Variants in KLHL29 observed in about 807,000 individuals in gnomAD.
The protein encoded by KLHL29 is kelch-like protein 29.
In KLHL29, 21 loss-of-function variants were observed where a neutral mutation model predicts 80.4. The ratio of observed to expected loss-of-function variants is 0.26; its 90% CI spans 0.19 to 0.38. The LOEUF (loss-of-function observed/expected upper bound fraction) is 0.38. Ranked by LOEUF, KLHL29 falls within the 10% of genes least tolerant of loss-of-function variation. KLHL29 has a pLI of 1.00. For missense variants in KLHL29, 867 were observed against 1,223.9 expected (o/e 0.71, Z 4.35); for synonymous variants, 511 against 526.8 (o/e 0.97, Z 0.41).
At chr2:23,597,724 C>T (rs1668464478) in intron 3 of KLHL29, among the ~76,000 whole-genome samples, 2 of 152,026 alleles carry the variant, frequency 1.3e-5, no homozygotes, top group Admixed American at 1.3e-4. Flanking sequence ...CGTGCCCGGC[C>T]CTGTTCACCC....
intron 2 of KLHL29, among the ~76,000 whole-genome samples, chr2:23,521,495 T>C (rs1009053842): frequency 1.3e-5 from 2 of 152,222 alleles, no homozygotes; most frequent in African/African-American, 4.8e-5. Context: ...CCTAGGTCCA[T>C]GTGCTGCATT....
intron 5 of KLHL29, among the ~76,000 whole-genome samples, chr2:23,653,977 G>C (rs918645516): frequency 7.2e-5 from 11 of 152,086 alleles, no homozygotes; most frequent in African/African-American, 2.7e-4. Context: ...GACCAGCCTG[G>C]CCAACATGGC....
intron 1 of KLHL29, among the ~76,000 whole-genome samples, chr2:23,465,379 C>G (rs1006465886): frequency 7.2e-5 from 11 of 152,240 alleles, no homozygotes; most frequent in Admixed American, 6.5e-5. Context: ...TCCTGCCTCT[C>G]TGTGTGTGAG....
At position 23,562,315 on chromosome 2, in the gene KLHL29, G is replaced by A; in HGVS notation, c.119G>A (p.Gly40Asp). 2 of 1,545,316 alleles carry A rather than the reference G, an allele frequency of 1.3e-6. No individual in the cohort carries two copies. Among genetic ancestry groups the A allele is most frequent in the Non-Finnish European group, 1.7e-6 (2 of 1,143,994 alleles). Residue 40 changes from glycine (G) to aspartate (D), a missense_variant, in exon 3 of 14, where the codon GGT (glycine) becomes GAT (aspartate). Physicochemically the swap from Gly to Asp is moderately conservative, Grantham distance 94. Transcript: ENST00000486442. The surrounding 1 kb of genome is among the most constrained non-coding windows in gnomAD (Gnocchi z 4.5). ...ATCTGCAGTGTCACCTCGGGGGCCG[G>A]TGGCGGCACAGCCAGCAGCCTCAGC... ...TSICSVTSGA[G>D]GGTASSLSVR...
rs1052619312 is a variant in KLHL29, at chr2:23,566,176, T to G, written c.285+3695T>G. On this transcript the variant is annotated intron_variant, in intron 3 of 13. Transcript: ENST00000486442. ...TCACGTGTCTTGAGGAAAGGCCAGT[T>G]GGACAAGCAGACTCCTGGGCTGCTG... Among the ~76,000 whole-genome samples the G allele has an allele frequency of 2.6e-5, 4 of 152,348 alleles. No individual in the cohort carries two copies. The East Asian group carries it at 7.7e-4, about 29-fold the overall frequency.
intron 4 of KLHL29, among the ~76,000 whole-genome samples, chr2:23,640,746 C>G (rs1038954169): frequency 5.9e-5 from 9 of 152,342 alleles, no homozygotes; most frequent in Non-Finnish European, 8.8e-5. Flanking sequence ...AGCAATAGTG[C>G]CTGCTGCTGA....
intron 1 of KLHL29, among the ~76,000 whole-genome samples, chr2:23,405,068 C>G (rs1666692180): frequency 6.6e-6 from 1 of 152,108 alleles, no homozygotes; most frequent in Non-Finnish European, 1.5e-5. Context: ...AGAACAAATA[C>G]TGGAGTATGA....
intron 2 of KLHL29, among the ~76,000 whole-genome samples, chr2:23,525,249 A>G (rs1313324082): frequency 2.0e-5 from 3 of 152,214 alleles, no homozygotes; most frequent in Non-Finnish European, 4.4e-5. Flanking sequence ...GGAAGAGAAG[A>G]ACTTTCTCTT....
intron 3 of KLHL29, among the ~76,000 whole-genome samples, chr2:23,613,323 A>T (rs1310828985): frequency 1.3e-5 from 2 of 152,244 alleles, no homozygotes; most frequent in Non-Finnish European, 2.9e-5. Context: ...AAAACACATT[A>T]AAAGAGAAAA....
chr2:23,680,458 G>A lies in KLHL29; in HGVS notation c.941-3941G>A, dbSNP rs1351866214. 2.0e-5 allele frequency among the ~76,000 whole-genome samples: 3 copies of A among 152,318 alleles called. No homozygotes were observed. The highest frequency in any genetic ancestry group is 2.1e-4 in the South Asian group (1 of 4,828). On this transcript the variant is annotated intron_variant, in intron 5 of 13. Coordinates refer to ENST00000486442, the MANE Select transcript of KLHL29 (RefSeq NM_052920.2). The surrounding 1 kb of genome is among the most constrained non-coding windows in gnomAD (Gnocchi z 4.1). ...GGCCAGGGTGTGCAGTCCCACAGAC[G>A]TAGGCGGGCATCCCGCTCAAAGCCG...
chr2:23,538,297 T>C (rs532585032), intron 2 of KLHL29, among the ~76,000 whole-genome samples: 2 of 152,198 alleles, frequency 1.3e-5, no homozygotes, highest in Non-Finnish European at 2.9e-5. Flanking sequence ...GACCACACTT[T>C]GAGAAACAAA....
Position 23,562,599 on chromosome 2 carries a change from C to G in KLHL29, c.285+118C>G. ...GCCTGTGCTCCACGCCCCGAGTCCT[C>G]CAGAGTCTTGTCCTTCCAGGACCTG... On this transcript the variant is annotated intron_variant, in intron 3 of 13. Transcript: ENST00000486442. The surrounding 1 kb of genome is among the most constrained non-coding windows in gnomAD (Gnocchi z 4.5). 1 of 1,029,196 alleles carries G rather than the reference C, an allele frequency of 9.7e-7. No homozygotes were observed. Among genetic ancestry groups the G allele is most frequent in the Non-Finnish European group, 1.4e-6 (1 of 729,154 alleles). 63.8% of individuals were successfully genotyped at this position (1,029,196 alleles called of 1,614,324 possible).
chr2:23,428,970 C>T (rs888087478), intron 1 of KLHL29, among the ~76,000 whole-genome samples: 1 of 152,218 alleles, frequency 6.6e-6, no homozygotes, highest in East Asian at 1.9e-4. Flanking sequence ...GGGTTCTCAT[C>T]CTGATTCTGC....
rs551514647 is a variant in KLHL29 at position 23,627,584 on chromosome 2, C to T, written c.286-11555C>T. Among the ~76,000 whole-genome samples, 5 of 152,322 alleles carry T rather than the reference C, an allele frequency of 3.3e-5. No homozygotes were observed. In the East Asian group the frequency reaches 5.8e-4, roughly 18 times the overall value. On this transcript the variant is annotated intron_variant, in intron 3 of 13. Transcript: ENST00000486442. ...TAAAACTGTAGTAGCTCCTTCGGTG[C>T]ACCTTGCGTCTGAGGAGCCGCCTCC...
At chr2:23,660,499 C>T (rs1021969962) in intron 5 of KLHL29, among the ~76,000 whole-genome samples, 7 of 152,332 alleles carry the variant, frequency 4.6e-5, no homozygotes, top group South Asian at 2.1e-4. Flanking sequence ...GTTCAAGCCC[C>T]GCCAGAGAGG....
intron 3 of KLHL29, among the ~76,000 whole-genome samples, chr2:23,602,609 G>C (rs973319960): frequency 2.2e-5 from 3 of 136,848 alleles, no homozygotes; most frequent in Non-Finnish European, 4.7e-5. Context: ...GCTGCTCTAC[G>C]TGAATTTTTT....
chr2:23,646,882 C>T (rs956401), intron 5 of KLHL29, among the ~76,000 whole-genome samples: 22,228 of 152,234 alleles, frequency 0.15, 1,992 homozygotes, highest in Non-Finnish European at 0.21. Context: ...CAGTACCACC[C>T]TCACAGGGCC....
At chr2:23,437,141 C>T (rs1241258032) in intron 1 of KLHL29, among the ~76,000 whole-genome samples, 1 of 152,190 alleles carries the variant, frequency 6.6e-6, no homozygotes, top group Non-Finnish European at 1.5e-5. Flanking sequence ...GTGTACTAAG[C>T]AGGCCAAGTC....
chr2:23,633,307 A>G (rs1669517233), intron 3 of KLHL29, among the ~76,000 whole-genome samples: 2 of 152,332 alleles, frequency 1.3e-5, no homozygotes, highest in South Asian at 4.1e-4. Context: ...TAGTTCTGGC[A>G]TTTATGTAAT....
Sources: allele counts gnomAD v4.1 joint callset (sites outside exome capture counted in the v4.1 genomes callset), GRCh38; gene constraint gnomAD v4.1.1; non-coding constraint Gnocchi (gnomAD v3.1); transcripts MANE v1.5; gene names NCBI Gene and HGNC (gene_info 2026-07-23, HGNC 2026-07-21).